Variants in SPATA6 observed in about 807,000 individuals in gnomAD.
SPATA6 encodes the protein spermatogenesis-associated protein 6.
SPATA6 carries 56 observed loss-of-function variants against 65.3 expected under a neutral mutation model. The observed-to-expected ratio is 0.86, with a 90% CI of 0.69 to 1.07. The LOEUF (loss-of-function observed/expected upper bound fraction) is 1.07. Among genes scored for constraint, SPATA6 ranks in the 50% least tolerant of loss-of-function variants. The pLI is 0.00. For synonymous variants in SPATA6, 199 were observed against 213.2 expected (o/e 0.93, Z 0.58); for missense variants, 590 against 594.8 (o/e 0.99, Z 0.08).
the SPATA6 span, among the ~76,000 whole-genome samples, chr1:48,275,157 T>G: frequency 1.3e-5 from 2 of 152,190 alleles, no homozygotes; most frequent in African/African-American, 2.4e-5. Context: ...TATTGGTACA[T>G]AGGAATGCTT....
intron 11 of SPATA6, among the ~76,000 whole-genome samples, chr1:48,349,630 T>A (rs138611582): frequency 1.6e-3 from 239 of 152,022 alleles, no homozygotes; most frequent in African/African-American, 5.6e-3. Flanking sequence ...CCTAAAAATT[T>A]CCCTGTCAGG....
intron 3 of SPATA6, among the ~76,000 whole-genome samples, chr1:48,450,165 T>C (rs1165903017): frequency 6.6e-6 from 1 of 151,890 alleles, no homozygotes; most frequent in Non-Finnish European, 1.5e-5. Flanking sequence ...GGATAGGTAA[T>C]ACATGAAGCC....
Position 48,424,244 on chromosome 1 carries a change from T to C in SPATA6, c.239-11093A>G, listed in dbSNP as rs79413660. Reference sequence around the variant, plus strand: ...TAGATCCTACAAATAAGTGAGAACATGTGATGTTTGTCTTTCTGTGCCTGG... The same window carrying C: ...TAGATCCTACAAATAAGTGAGAACACGTGATGTTTGTCTTTCTGTGCCTGG... On this transcript the variant is annotated intron_variant, in intron 3 of 12. Transcript: ENST00000371847. 7.8e-4 allele frequency among the ~76,000 whole-genome samples: 119 copies of C among 152,312 alleles called. 3 individuals carry two copies. In the East Asian group the frequency reaches 0.02, roughly 26 times the overall value.
chr1:48,419,989 T>C (rs960142953), intron 3 of SPATA6, among the ~76,000 whole-genome samples: 2 of 152,170 alleles, frequency 1.3e-5, no homozygotes, highest in Admixed American at 1.3e-4. Context: ...ATGCCAATAC[T>C]GACTGATAGC....
chr1:48,387,507 C>T (rs1387357763), intron 8 of SPATA6, among the ~76,000 whole-genome samples: 1 of 152,164 alleles, frequency 6.6e-6, no homozygotes, highest in African/African-American at 2.4e-5. Context: ...GCATCATCTC[C>T]AGCCCCAAGT....
intron 1 of SPATA6, among the ~76,000 whole-genome samples, chr1:48,463,851 T>C (rs1182669900): frequency 6.6e-6 from 1 of 151,940 alleles, no homozygotes; most frequent in African/African-American, 2.4e-5. Context: ...AAATAAAAAA[T>C]TAGCCAACCA....
At chr1:48,448,284 T>C (rs1315122188) in intron 3 of SPATA6, among the ~76,000 whole-genome samples, 3 of 148,556 alleles carry the variant, frequency 2.0e-5, no homozygotes, top group Admixed American at 6.7e-5. Context: ...AAGGAGAAGC[T>C]GAAAAAGGAA....
chr1:48,312,489 C>CT, intron 11 of SPATA6, among the ~76,000 whole-genome samples: 1 of 152,158 alleles, frequency 6.6e-6, no homozygotes. Context: ...TGAGGGTCCT[C>CT]ACTGCTAGAA....
In SPATA6 at chr1:48,472,167, G is replaced by T; in HGVS notation, c.-159C>A. The T allele has an allele frequency of 1.8e-6, 1 of 569,706 alleles. No individual in the cohort carries two copies. The highest frequency in any genetic ancestry group is 2.4e-5 in the South Asian group (1 of 42,316). 35.3% of individuals were successfully genotyped at this position (569,706 alleles called of 1,614,324 possible). A position where few individuals can be genotyped will look rare whatever the true frequency, so the allele number is the denominator to read the frequency against. On this transcript the variant is annotated 5_prime_UTR_variant, in exon 1 of 13. Coordinates refer to ENST00000371847, the MANE Select transcript of SPATA6 (RefSeq NM_019073.4). The stretch of plus-strand genomic sequence containing the variant: ...CCGCGGTCCAGCCTGGGTTCCGCCG[G>T]AGAAGCAGCTGAGCGCGGGGCGCAG...
chr1:48,419,516 C>T (rs899339510), intron 3 of SPATA6, among the ~76,000 whole-genome samples: 1 of 151,966 alleles, frequency 6.6e-6, no homozygotes, highest in Non-Finnish European at 1.5e-5. Flanking sequence ...ATGGGGCTTA[C>T]GGGATACATC....
At chr1:48,266,443 A>G in the SPATA6 span, among the ~76,000 whole-genome samples, 2 of 152,230 alleles carry the variant, frequency 1.3e-5, no homozygotes, top group Non-Finnish European at 2.9e-5. Flanking sequence ...TAAAAAATGT[A>G]AATTATAATC....
At chr1:48,451,013 G>A (rs1278067498) in intron 3 of SPATA6, among the ~76,000 whole-genome samples, 1 of 152,112 alleles carries the variant, frequency 6.6e-6, no homozygotes, top group Non-Finnish European at 1.5e-5. Flanking sequence ...CTCACAAATA[G>A]TTGTATCTTT....
chr1:48,362,373 T>G (rs940021309), intron 9 of SPATA6, among the ~76,000 whole-genome samples: 2 of 152,190 alleles, frequency 1.3e-5, no homozygotes, highest in African/African-American at 4.8e-5. Context: ...TTTTATCAAT[T>G]TCAATGTCAA....
At chr1:48,465,612 A>G (rs1037869441) in intron 1 of SPATA6, among the ~76,000 whole-genome samples, 4 of 152,176 alleles carry the variant, frequency 2.6e-5, no homozygotes, top group Admixed American at 6.5e-5. Flanking sequence ...AAGAAAATAC[A>G]TATTTCTAAC....
intron 9 of SPATA6, among the ~76,000 whole-genome samples, chr1:48,363,750 G>A (rs909407995): frequency 6.8e-6 from 1 of 147,988 alleles, no homozygotes; most frequent in African/African-American, 2.5e-5. Context: ...AGGTAAAAAA[G>A]GAAACTTCTT....
intron 9 of SPATA6, among the ~76,000 whole-genome samples, chr1:48,371,121 C>T (rs1178259913): frequency 3.9e-5 from 6 of 152,048 alleles, no homozygotes; most frequent in Non-Finnish European, 8.8e-5. Flanking sequence ...TAGAAGAACA[C>T]AACATGACAA....
chr1:48,291,496 C>G (rs1375616334), downstream of SPATA6, among the ~76,000 whole-genome samples: 2 of 152,152 alleles, frequency 1.3e-5, 1 homozygote, highest in East Asian at 3.9e-4. Context: ...CACAGGTCAC[C>G]AGGGAAGTGG....
At chr1:48,286,256 T>G in the SPATA6 span, among the ~76,000 whole-genome samples, 1 of 151,990 alleles carries the variant, frequency 6.6e-6, no homozygotes, top group Non-Finnish European at 1.5e-5. Context: ...AATATGGAGA[T>G]TGCTTTGGGT....
At chr1:48,363,889 G>A (rs182482680) in intron 9 of SPATA6, among the ~76,000 whole-genome samples, 19 of 151,960 alleles carry the variant, frequency 1.3e-4, no homozygotes, top group African/African-American at 4.6e-4. Flanking sequence ...CCATGCTGGT[G>A]TACTGCACCC....
Sources: gnomAD v4.1 joint callset for allele counts (sites outside exome capture counted in the v4.1 genomes callset) on GRCh38, gnomAD v4.1.1 for gene constraint, MANE v1.5 for transcripts, NCBI Gene and HGNC (gene_info 2026-07-23, HGNC 2026-07-21) for gene names.